Variants in ESYT2 observed in about 807,000 individuals in gnomAD.
ESYT2 encodes the protein extended synaptotagmin 2.
Under a neutral mutation model 107.2 loss-of-function variants are expected in ESYT2, and 54 were observed. That is an observed-to-expected ratio of 0.50 (90% CI 0.40 to 0.63). The LOEUF (loss-of-function observed/expected upper bound fraction) is 0.63, where lower values mean the gene tolerates loss of function less well. Among genes scored for constraint, ESYT2 ranks in the 30% least tolerant of loss-of-function variants. The pLI is 0.00. For synonymous variants in ESYT2, 491 were observed against 434.1 expected, an observed-to-expected ratio of 1.13 and a Z score of -1.63; for missense variants, 1,020 against 1,094.5, an observed-to-expected ratio of 0.93 and a Z score of 0.96.
At chr7:158,791,556 T>A (rs1480077727) in intron 4 of ESYT2, among the ~76,000 whole-genome samples, 1 of 152,212 alleles carries the variant, frequency 6.6e-6, no homozygotes, top group African/African-American at 2.4e-5. Context: ...AGGTTCCAAT[T>A]TCTCCACATC....
At position 158,735,505 on chromosome 7, in the gene ESYT2, T is replaced by C. The variant is rs1836901833; in HGVS notation, c.2503A>G (p.Lys835Glu). The change falls in exon 21 of 23, where the codon AAA (lysine) becomes GAA (glutamate). Residue 835 changes from lysine to glutamate, a missense_variant and splice_region_variant. Coordinates refer to ENST00000275418, the MANE Select transcript of ESYT2 (RefSeq NM_001367773.1). ...FLSKDKGLLG[K>E]VLVALASEEL... ...TTGAGGATTCGTTTGGCACTTACTT[T>C]GCCAAGGAGCCCTTTGTCTTTGGAC... The C allele has an allele frequency of 6.2e-7, 1 of 1,613,738 alleles. No homozygotes were observed. Among genetic ancestry groups the C allele is most frequent in the Non-Finnish European group, 8.5e-7 (1 of 1,179,642 alleles).
At chr7:158,755,119 T>C (rs1837708651) in intron 13 of ESYT2, among the ~76,000 whole-genome samples, 1 of 152,210 alleles carries the variant, frequency 6.6e-6, no homozygotes, top group Non-Finnish European at 1.5e-5. Context: ...CCTATTGTCC[T>C]AAGTTTGCAG....
At chr7:158,784,663 A>G (rs545770348) in intron 6 of ESYT2, among the ~76,000 whole-genome samples, 2 of 152,334 alleles carry the variant, frequency 1.3e-5, no homozygotes, top group East Asian at 3.9e-4. Flanking sequence ...ACGTCATGAG[A>G]CATCAATATA....
chr7:158,821,829 C>G (rs529500536), intron 1 of ESYT2, among the ~76,000 whole-genome samples: 3 of 152,222 alleles, frequency 2.0e-5, no homozygotes, highest in Non-Finnish European at 4.4e-5. Context: ...GTCCTCCACA[C>G]GGCCGCTCGC....
chr7:158,811,006 C>T (rs918907138), intron 1 of ESYT2, among the ~76,000 whole-genome samples: 8 of 149,956 alleles, frequency 5.3e-5, no homozygotes, highest in Admixed American at 5.3e-4. Context: ...TTAAAAAAAA[C>T]AAAAGGGGTA....
chr7:158,785,882 C>T (rs968837034), intron 6 of ESYT2, among the ~76,000 whole-genome samples: 4 of 152,044 alleles, frequency 2.6e-5, no homozygotes, highest in Admixed American at 6.6e-5. Flanking sequence ...ATAAAGGTTT[C>T]GTAAGGGTTT....
At chr7:158,808,039 T>G (rs1166200573) in intron 1 of ESYT2, among the ~76,000 whole-genome samples, 1 of 152,134 alleles carries the variant, frequency 6.6e-6, no homozygotes, top group Non-Finnish European at 1.5e-5. Context: ...TGCCAAACAT[T>G]CCTTTTTTTA....
chr7:158,814,135 G>A (rs760941060), intron 1 of ESYT2, among the ~76,000 whole-genome samples: 16 of 151,678 alleles, frequency 1.1e-4, no homozygotes, highest in Non-Finnish European at 1.8e-4. Flanking sequence ...TTAGTCGGGC[G>A]TGGTGGTGGA....
chr7:158,752,567 T>A (rs1215855773), intron 14 of ESYT2, among the ~76,000 whole-genome samples: 1 of 152,218 alleles, frequency 6.6e-6, no homozygotes, highest in Non-Finnish European at 1.5e-5. Flanking sequence ...ATAATCTAAT[T>A]TATCATACTA....
chr7:158,800,982 G>T (rs983009565), intron 1 of ESYT2, among the ~76,000 whole-genome samples: 1 of 152,154 alleles, frequency 6.6e-6, no homozygotes, highest in Non-Finnish European at 1.5e-5. Flanking sequence ...TTGCCTGTGT[G>T]GTGACATCAG....
chr7:158,761,943 C>T (rs1837980293), intron 10 of ESYT2, among the ~76,000 whole-genome samples: 1 of 152,180 alleles, frequency 6.6e-6, no homozygotes, highest in East Asian at 1.9e-4. Flanking sequence ...TTATTTTATA[C>T]GTTCACTCAC....
rs138523952 is a variant in ESYT2 at position 158,743,433 on chromosome 7, C to T, written c.1794+96G>A. Reference sequence around the variant, plus strand: ...GCCCAGAGCTGCAGCCGACACAGAGCTTTCTTCACCGGCCTCATGCCCGGG... The same window carrying T: ...GCCCAGAGCTGCAGCCGACACAGAGTTTTCTTCACCGGCCTCATGCCCGGG... On this transcript the variant is annotated intron_variant, in intron 17 of 22. Coordinates refer to ENST00000275418, the MANE Select transcript of ESYT2 (RefSeq NM_001367773.1). The T allele has an allele frequency of 5.0e-4, 754 of 1,493,172 alleles. 10 individuals carry two copies. The East Asian group carries it at 0.019, about 37-fold the overall frequency. 92.5% of individuals were successfully genotyped at this position (1,493,172 alleles called of 1,614,324 possible).
rs543881041 is a variant in ESYT2, at chr7:158,824,988, G to T, written c.330+4101C>A. ...AAGCCTGGGGAACACAGCGAGAACC[G>T]CCTCTCTTTAAAAAACAAAAAAGGC... is the stretch of plus-strand genomic sequence containing the variant. On this transcript the variant is annotated intron_variant, in intron 1 of 22. Coordinates refer to ENST00000275418, the MANE Select transcript of ESYT2 (RefSeq NM_001367773.1). Among the ~76,000 whole-genome samples the T allele has an allele frequency of 2.0e-5, 3 of 152,050 alleles. No individual in the cohort carries two copies. In the South Asian group the frequency reaches 6.2e-4, roughly 31 times the overall value.
intron 8 of ESYT2, 30 bp from the exon 9 acceptor site, chr7:158,764,883 C>A (rs201820773): frequency 6.2e-7 from 1 of 1,604,714 alleles, no homozygotes; most frequent in Non-Finnish European, 8.5e-7. Context: ...GAAGTTTAGA[C>A]CCTTGGCTGG....
At chr7:158,822,396 G>A (rs775542925) in intron 1 of ESYT2, among the ~76,000 whole-genome samples, 25 of 152,142 alleles carry the variant, frequency 1.6e-4, no homozygotes, top group Admixed American at 8.5e-4. Flanking sequence ...TATTTTTGAA[G>A]CATGATTTCT....
At position 158,741,825 on chromosome 7, in the gene ESYT2, C is replaced by T. The variant is rs375918290; in HGVS notation, c.1866G>A (p.Val622=). Residue 622 remains valine, a synonymous_variant, in exon 18 of 23, where the codon GTG becomes GTA. Transcript: ENST00000275418. The part of the protein sequence containing the change: ...QHSAQVKRPS[V]SKEGRKTSIK... Reference sequence around the variant, plus strand: ...TGGATGTTTTCCTCCCCTCTTTGGACACAGAGGGACGTTTGACTTGAGCTG... The same window carrying T: ...TGGATGTTTTCCTCCCCTCTTTGGATACAGAGGGACGTTTGACTTGAGCTG... 5.0e-6 allele frequency: 8 copies of T among 1,613,862 alleles called. No individual in the cohort carries two copies. The highest frequency in any genetic ancestry group is 6.8e-6 in the Non-Finnish European group (8 of 1,179,976).
chr7:158,746,952 T>C (rs1837422098), intron 16 of ESYT2, among the ~76,000 whole-genome samples: 1 of 152,218 alleles, frequency 6.6e-6, no homozygotes, highest in Admixed American at 6.5e-5. Context: ...CTCCGGAGGC[T>C]GAGGCAAGAG....
intron 6 of ESYT2, among the ~76,000 whole-genome samples, chr7:158,780,058 C>T (rs1838718509): frequency 6.6e-6 from 1 of 152,158 alleles, no homozygotes; most frequent in Admixed American, 6.5e-5. Flanking sequence ...ACGAAAGAGA[C>T]CATTCAAGAA....
At chr7:158,752,911 T>A in intron 13 of ESYT2, 68 bp from the exon 14 acceptor site, 1 of 1,049,808 alleles carries the variant, frequency 9.5e-7, no homozygotes, top group Non-Finnish European at 1.3e-6. Context: ...TATGTAAGGT[T>A]AAAGACATGA....
Sources: allele counts gnomAD v4.1 joint callset (sites outside exome capture counted in the v4.1 genomes callset), GRCh38; gene constraint gnomAD v4.1.1; transcripts MANE v1.5; gene names NCBI Gene and HGNC (gene_info 2026-07-23, HGNC 2026-07-21).